NELL2: variants seen among roughly 807,000 people sequenced by gnomAD.
The protein encoded by NELL2 is protein kinase C-binding protein NELL2.
In NELL2, 41 loss-of-function variants were observed where a neutral mutation model predicts 109.6. That is an observed-to-expected ratio of 0.37 (90% CI 0.29 to 0.49). The LOEUF (loss-of-function observed/expected upper bound fraction) is 0.49, where lower values mean the gene tolerates loss of function less well. NELL2 is among the 20% of genes least tolerant of loss of function. NELL2 has a pLI of 0.98. For synonymous variants in NELL2, 355 were observed against 344.7 expected, an observed-to-expected ratio of 1.03 and a Z score of -0.33; for missense variants, 900 against 1,008.3, an observed-to-expected ratio of 0.89 and a Z score of 1.45.
At chr12:44,632,310 A>G (rs1196150528) in intron 13 of NELL2, among the ~76,000 whole-genome samples, 1 of 152,146 alleles carries the variant, frequency 6.6e-6, no homozygotes, top group Non-Finnish European at 1.5e-5. Context: ...TGGTGGATCT[A>G]GCCAGCACAG....
chr12:44,882,180 A>G (rs1038182758), intron 1 of NELL2, among the ~76,000 whole-genome samples: 1 of 151,964 alleles, frequency 6.6e-6, no homozygotes, highest in Non-Finnish European at 1.5e-5. Flanking sequence ...ACAGCATATC[A>G]GGAATGAAGA....
intron 18 of NELL2, among the ~76,000 whole-genome samples, chr12:44,520,891 C>T (rs1180439511): frequency 6.6e-6 from 1 of 152,126 alleles, no homozygotes; most frequent in Non-Finnish European, 1.5e-5. Flanking sequence ...TGAAAGCAGC[C>T]TTCGGGCACA....
At chr12:44,818,167 C>A (rs1943415553) in intron 2 of NELL2, among the ~76,000 whole-genome samples, 1 of 152,146 alleles carries the variant, frequency 6.6e-6, no homozygotes, top group East Asian at 1.9e-4. Flanking sequence ...CCACAACATT[C>A]CTCTTAGCTC....
At chr12:44,556,665 C>A (rs928240334) in intron 15 of NELL2, among the ~76,000 whole-genome samples, 2 of 152,186 alleles carry the variant, frequency 1.3e-5, no homozygotes, top group African/African-American at 2.4e-5. Context: ...AGCTCTCCAG[C>A]AGCTAGTTCA....
At chr12:44,902,800 G>T (rs956704632) in intron 1 of NELL2, among the ~76,000 whole-genome samples, 1 of 152,102 alleles carries the variant, frequency 6.6e-6, no homozygotes, top group African/African-American at 2.4e-5. Context: ...CAAGCAATGG[G>T]GAAAGGATTC....
At chr12:44,768,832 C>A (rs1328602264) in intron 9 of NELL2, among the ~76,000 whole-genome samples, 2 of 152,104 alleles carry the variant, frequency 1.3e-5, no homozygotes, top group Non-Finnish European at 2.9e-5. Flanking sequence ...CTCTATCACA[C>A]CAACTAATTT....
chr12:44,798,657 C>T (rs1942715266), intron 3 of NELL2, among the ~76,000 whole-genome samples: 1 of 152,040 alleles, frequency 6.6e-6, no homozygotes, highest in South Asian at 2.1e-4. Context: ...AATACAAGTA[C>T]ATATATCTAA....
chr12:44,735,649 G>A (rs1592425141), intron 9 of NELL2, among the ~76,000 whole-genome samples: 1 of 152,150 alleles, frequency 6.6e-6, no homozygotes, highest in East Asian at 1.9e-4. Flanking sequence ...CAAGGAAGAA[G>A]AAAAGACCCT....
At chr12:44,775,115 A>T (rs146233473) in intron 8 of NELL2, among the ~76,000 whole-genome samples, 1 of 151,386 alleles carries the variant, frequency 6.6e-6, no homozygotes, top group Non-Finnish European at 1.5e-5. Flanking sequence ...TGACTTCACT[A>T]TACCACATTC....
rs145942016 is a variant in NELL2 at position 44,592,446 on chromosome 12, C to T, written c.1663+14723G>A. 6.1e-3 allele frequency among the ~76,000 whole-genome samples: 928 copies of T among 152,034 alleles called. 8 individuals are homozygous for T. Among genetic ancestry groups the T allele is most frequent in the African/African-American group, 0.021 (866 of 41,452 alleles). ...GGTAGAGAAAGTGATGCTTTGTTTC[C>T]CTCTTCCCAGAGCATGGTGGAGAGG... On this transcript the variant is annotated intron_variant, in intron 15 of 19. Coordinates refer to ENST00000429094, the MANE Select transcript of NELL2 (RefSeq NM_001145108.2).
intron 13 of NELL2, among the ~76,000 whole-genome samples, chr12:44,649,008 C>T (rs1431747157): frequency 3.3e-5 from 5 of 150,744 alleles, no homozygotes; most frequent in African/African-American, 9.8e-5. Flanking sequence ...TCAGGCAATC[C>T]GCCCACCTTG....
chr12:44,836,903 G>A (rs753118267), intron 2 of NELL2, among the ~76,000 whole-genome samples: 38 of 152,188 alleles, frequency 2.5e-4, no homozygotes, highest in Non-Finnish European at 4.4e-4. Context: ...GAGAGGAGGC[G>A]GGCATAGAGA....
chr12:44,907,027 TAGTG>T (rs1183490770), intron 1 of NELL2, among the ~76,000 whole-genome samples: 4 of 152,022 alleles, frequency 2.6e-5, no homozygotes, highest in African/African-American at 7.2e-5. Flanking sequence ...GTCCTGATGA[TAGTG>T]AGTGAGTTCT....
At chr12:44,921,396 T>C (rs1321386811) in intron 1 of NELL2, among the ~76,000 whole-genome samples, 1 of 152,178 alleles carries the variant, frequency 6.6e-6, no homozygotes, top group East Asian at 1.9e-4. Context: ...CAGAGGTCTA[T>C]AACAAGTTCA....
rs550558496 is a variant in NELL2 at position 44,799,714 on chromosome 12, A to AG, written c.335+16271dup. ...TATTCTGAAGGGTTTTCAGGTGTGT[A>AG]GGGGGGGTGATGTATTTAATATAGC... On this transcript the variant is annotated intron_variant, in intron 3 of 19. Transcript: ENST00000429094. Among the ~76,000 whole-genome samples, 602 of 152,176 alleles carry AG rather than the reference A, an allele frequency of 4.0e-3. 1 individual carries two copies. The highest frequency in any genetic ancestry group is 0.013 in the African/African-American group (534 of 41,526).
In NELL2 at chr12:44,774,670, C is replaced by T. The variant is rs577537152; in HGVS notation, c.994+77G>A. On this transcript the variant is annotated intron_variant, in intron 9 of 19. Coordinates refer to ENST00000429094, the MANE Select transcript of NELL2 (RefSeq NM_001145108.2). ...AGCTATTTAGCTTGCCCAGATTAAA[C>T]CAATGATGGGTGAATACTTATTAAT... 1.0e-4 allele frequency: 123 copies of T among 1,191,002 alleles called. No individual in the cohort carries two copies. The South Asian group carries it at 1.5e-3, about 14-fold the overall frequency. 73.8% of individuals were successfully genotyped at this position (1,191,002 alleles called of 1,614,324 possible). A position where few individuals can be genotyped will look rare whatever the true frequency, so the allele number is the denominator to read the frequency against.
chr12:44,520,485 A>G (rs1195543576), intron 18 of NELL2, among the ~76,000 whole-genome samples: 2 of 152,208 alleles, frequency 1.3e-5, no homozygotes, highest in Admixed American at 1.3e-4. Context: ...AACAAAAGCA[A>G]AAATCACTCA....
chr12:44,826,188 A>G (rs1943705713), intron 2 of NELL2, among the ~76,000 whole-genome samples: 1 of 152,238 alleles, frequency 6.6e-6, no homozygotes, highest in African/African-American at 2.4e-5. Context: ...AACTGCCATC[A>G]TGAATTAAAT....
chr12:44,888,112 T>C (rs1190465576), intron 1 of NELL2, among the ~76,000 whole-genome samples: 1 of 152,074 alleles, frequency 6.6e-6, no homozygotes, highest in African/African-American at 2.4e-5. Flanking sequence ...CCATTGTATG[T>C]TCTTGGCACC....
Sources: gnomAD v4.1 joint callset for allele counts (sites outside exome capture counted in the v4.1 genomes callset) on GRCh38, gnomAD v4.1.1 for gene constraint, MANE v1.5 for transcripts, NCBI Gene and HGNC (gene_info 2026-07-23, HGNC 2026-07-21) for gene names.